STK3: variants seen among roughly 807,000 people sequenced by gnomAD.
The protein encoded by STK3 is serine/threonine kinase 3.
In STK3, 41 loss-of-function variants were observed where a neutral mutation model predicts 58.0. That is an observed-to-expected ratio of 0.71 (90% confidence interval 0.55 to 0.92). STK3 has a LOEUF of 0.92. Among genes scored for constraint, STK3 ranks in the 40% least tolerant of loss-of-function variants. STK3 has a pLI of 0.00. For missense variants in STK3, 479 were observed against 602.7 expected (o/e 0.79, Z 2.15); for synonymous variants, 170 against 191.0 (o/e 0.89, Z 0.91).
At chr8:98,835,988 G>A (rs985890230) in intron 3 of STK3, among the ~76,000 whole-genome samples, 1 of 152,196 alleles carries the variant, frequency 6.6e-6, no homozygotes, top group Non-Finnish European at 1.5e-5. Flanking sequence ...ATCACCTGAA[G>A]TCAGGAGTTC....
intron 1 of STK3, among the ~76,000 whole-genome samples, chr8:98,383,011 G>T (rs541202411): frequency 6.6e-6 from 1 of 152,160 alleles, no homozygotes; most frequent in African/African-American, 2.4e-5. Flanking sequence ...GTGCCACAGC[G>T]TGAGGGCTCT....
intron 2 of STK3, among the ~76,000 whole-genome samples, chr8:98,377,149 G>A (rs1296005822): frequency 6.6e-6 from 1 of 152,074 alleles, no homozygotes; most frequent in Non-Finnish European, 1.5e-5. Context: ...AATGAACACA[G>A]CAATCAATTC....
At chr8:98,934,978 G>A (rs1015626357) in intron 1 of STK3, among the ~76,000 whole-genome samples, 14 of 146,690 alleles carry the variant, frequency 9.5e-5, no homozygotes, top group Non-Finnish European at 1.9e-4. Flanking sequence ...CAAAGCACAA[G>A]CCTAGACATC....
At chr8:98,875,397 T>C (rs1837531190) in intron 3 of STK3, 1 of 152,256 alleles carries the variant, frequency 6.6e-6, no homozygotes, top group African/African-American at 2.4e-5. Flanking sequence ...TCAGGCTGAA[T>C]GTTACCAAAT....
At chr8:98,703,957 A>C (rs1178383702) in intron 6 of STK3, among the ~76,000 whole-genome samples, 2 of 152,238 alleles carry the variant, frequency 1.3e-5, no homozygotes, top group Non-Finnish European at 2.9e-5. Flanking sequence ...ATTCTATTAA[A>C]TTTCTACACT....
intron 6 of STK3, among the ~76,000 whole-genome samples, chr8:98,602,591 T>C (rs1365049522): frequency 6.6e-6 from 1 of 152,244 alleles, no homozygotes; most frequent in African/African-American, 2.4e-5. Context: ...GCATTAGGCA[T>C]AGTACTTCTC....
At position 98,885,194 on chromosome 8, in the gene STK3, G is replaced by C. The variant is rs1044588953; in HGVS notation, c.-78-1360C>G. ...TCTTACCAGGAGTATAAAATCAATGGGTAATTAACTGAACCAAGACCAGGC... is the reference window on the plus strand; with the variant it reads ...TCTTACCAGGAGTATAAAATCAATGCGTAATTAACTGAACCAAGACCAGGC... On this transcript the variant is annotated intron_variant, in intron 1 of 1. Transcript: ENST00000519420. Among the ~76,000 whole-genome samples, 4 of 152,092 alleles carry C rather than the reference G, an allele frequency of 2.6e-5. No homozygotes were observed. The East Asian group carries it at 7.7e-4, about 29-fold the overall frequency.
intron 2 of STK3, among the ~76,000 whole-genome samples, chr8:98,378,487 A>T (rs1817698201): frequency 6.6e-6 from 1 of 152,202 alleles, no homozygotes; most frequent in South Asian, 2.1e-4. Context: ...TGACTTGGGC[A>T]AATTATTTAC....
At chr8:98,774,372 C>G (rs150277079) in intron 2 of STK3, among the ~76,000 whole-genome samples, 14 of 152,176 alleles carry the variant, frequency 9.2e-5, no homozygotes, top group Non-Finnish European at 1.6e-4. Flanking sequence ...TTACCTTTTC[C>G]AAAATAAAAT....
chr8:98,893,413 G>A (rs1404307010), intron 1 of STK3, among the ~76,000 whole-genome samples: 3 of 62,024 alleles, frequency 4.8e-5, no homozygotes, highest in Non-Finnish European at 5.8e-5. Context: ...AAAGAAGGAA[G>A]GAAGGAAGGA....
chr8:98,590,859 A>G (rs949068827), intron 7 of STK3, among the ~76,000 whole-genome samples: 1 of 152,250 alleles, frequency 6.6e-6, no homozygotes, highest in Non-Finnish European at 1.5e-5. Context: ...TTATATGCTA[A>G]TGCCATTTTA....
At chr8:98,678,571 T>C (rs2130882103) in intron 6 of STK3, among the ~76,000 whole-genome samples, 1 of 152,278 alleles carries the variant, frequency 6.6e-6, no homozygotes, top group Admixed American at 6.5e-5. Flanking sequence ...TGAAATTATT[T>C]CACTTTAGCA....
chr8:98,354,144 A>G, the STK3 span, among the ~76,000 whole-genome samples: 3 of 152,208 alleles, frequency 2.0e-5, no homozygotes, highest in Admixed American at 1.3e-4. Flanking sequence ...GTGAAATTTC[A>G]AATCAACTTA....
chr8:98,479,345 GGT>G (rs546750737), intron 10 of STK3, among the ~76,000 whole-genome samples: 600 of 152,044 alleles, frequency 3.9e-3, no homozygotes, highest in Non-Finnish European at 6.5e-3. Flanking sequence ...AAATTAGCTG[GGT>G]GTGGCAGTGG....
At chr8:98,514,871 T>C (rs1030997890) in intron 10 of STK3, among the ~76,000 whole-genome samples, 5 of 152,120 alleles carry the variant, frequency 3.3e-5, no homozygotes, top group Non-Finnish European at 7.4e-5. Flanking sequence ...TAACATATCT[T>C]GTTAGCTTAT....
At chr8:98,403,782 G>A (rs944155980) in intron 3 of STK3, among the ~76,000 whole-genome samples, 2 of 152,208 alleles carry the variant, frequency 1.3e-5, no homozygotes, top group Admixed American at 6.5e-5. Flanking sequence ...AACCAAGGAC[G>A]TGTCTTCATC....
At chr8:98,737,843 G>T (rs930881254) in intron 4 of STK3, among the ~76,000 whole-genome samples, 11 of 152,102 alleles carry the variant, frequency 7.2e-5, no homozygotes, top group African/African-American at 2.7e-4. Flanking sequence ...GAGTAGCTGG[G>T]ATTATAGGCA....
chr8:98,831,370 A>G (rs1671510875), intron 3 of STK3, among the ~76,000 whole-genome samples: 1 of 152,210 alleles, frequency 6.6e-6, no homozygotes, highest in African/African-American at 2.4e-5. Flanking sequence ...CTCCTGCCTC[A>G]GCCTCCCAAG....
the STK3 span, among the ~76,000 whole-genome samples, chr8:98,345,695 C>T: frequency 1.3e-5 from 2 of 152,020 alleles, no homozygotes; most frequent in African/African-American, 2.4e-5. Flanking sequence ...AATAATTAAT[C>T]AGTAGAAACC....
Sources: gnomAD v4.1 joint callset for allele counts (sites outside exome capture counted in the v4.1 genomes callset) on GRCh38, gnomAD v4.1.1 for gene constraint, MANE v1.5 for transcripts, NCBI Gene and HGNC (gene_info 2026-07-23, HGNC 2026-07-21) for gene names.